The following TWIST2 variants were observed in gnomAD, a reference collection of about 807,000 sequenced individuals.
TWIST2 encodes the protein twist family bHLH transcription factor 2.
Under a neutral mutation model 11.6 loss-of-function variants are expected in TWIST2, and 1 was observed. The ratio of observed to expected loss-of-function variants is 0.09; its 90% confidence interval spans 0.03 to 0.41. TWIST2 has a LOEUF of 0.41. Among genes scored for constraint, TWIST2 ranks in the 10% least tolerant of loss-of-function variants. The probability of loss-of-function intolerance (pLI) is 0.98; values close to 1 mark genes in which losing one functional copy is unlikely to be tolerated. For synonymous variants in TWIST2, 87 were observed against 96.6 expected (o/e 0.90, Z 0.58); for missense variants, 168 against 226.4 (o/e 0.74, Z 1.66).
chr2:238,893,595 C>G (rs1380229629), intron 1 of TWIST2, among the ~76,000 whole-genome samples: 7 of 152,192 alleles, frequency 4.6e-5, no homozygotes, highest in Non-Finnish European at 2.9e-5. Flanking sequence ...GGCTTCCTGC[C>G]TCTCAAAGCC....
rs1294882048 is a variant in TWIST2 at position 238,866,218 on chromosome 2, C to T, written c.*35+17485C>T. ...CGGGCCCTGCCTGCTCTTCTGTGAG[C>T]TGCCTCTGAGCCCTGGGCACCCTCC... On this transcript the variant is annotated intron_variant, in intron 1 of 1. Transcript: ENST00000612363. The surrounding 1 kb of genome is among the most constrained non-coding windows in gnomAD (Gnocchi z 4.9). 1.3e-5 allele frequency among the ~76,000 whole-genome samples: 2 copies of T among 152,224 alleles called. No homozygotes were observed. Among genetic ancestry groups the T allele is most frequent in the African/African-American group, 4.8e-5 (2 of 41,458 alleles).
chr2:238,861,566 C>G (rs2106352725), intron 1 of TWIST2, among the ~76,000 whole-genome samples: 1 of 152,234 alleles, frequency 6.6e-6, no homozygotes, highest in South Asian at 2.1e-4. Flanking sequence ...CTTGTCTCCT[C>G]CACTCCTCCT....
chr2:238,872,392 A>G (rs139938021), intron 1 of TWIST2, among the ~76,000 whole-genome samples: 10,629 of 152,268 alleles, frequency 0.07, 885 homozygotes, highest in East Asian at 0.41. Flanking sequence ...CAGGGCTTCC[A>G]GCACGTTCTA....
intron 1 of TWIST2, among the ~76,000 whole-genome samples, chr2:238,879,247 T>C (rs1692862095): frequency 6.6e-6 from 1 of 151,680 alleles, no homozygotes; most frequent in South Asian, 2.1e-4. Flanking sequence ...ATGAGACCAA[T>C]AATCAGGGCT....
intron 1 of TWIST2, among the ~76,000 whole-genome samples, chr2:238,907,361 C>T (rs1396535074): frequency 6.6e-6 from 1 of 152,162 alleles, no homozygotes; most frequent in African/African-American, 2.4e-5. Flanking sequence ...CAGAGGGAGG[C>T]GCGGGATTGG....
intron 1 of TWIST2, among the ~76,000 whole-genome samples, chr2:238,903,025 G>GGTA: frequency 9.9e-6 from 1 of 101,494 alleles, no homozygotes; most frequent in Non-Finnish European, 2.0e-5. Flanking sequence ...TGTGATGTGG[G>GGTA]TGTGTGTGAT....
chr2:238,897,314 C>A (rs1031713245), intron 1 of TWIST2, among the ~76,000 whole-genome samples: 1 of 152,210 alleles, frequency 6.6e-6, no homozygotes, highest in South Asian at 2.1e-4. Flanking sequence ...CCTCCGCGCG[C>A]CCCCCTGCCC....
rs936499427 is a variant in TWIST2, at chr2:238,864,279, C to G, written c.*35+15546C>G. 6.6e-6 allele frequency among the ~76,000 whole-genome samples: 1 copy of G among 152,190 alleles called. No individual in the cohort carries two copies. Among genetic ancestry groups the G allele is most frequent in the Admixed American group, 6.5e-5 (1 of 15,290 alleles). On this transcript the variant is annotated intron_variant, in intron 1 of 1. Transcript: ENST00000612363. This position sits in a 1 kb window ranked among gnomAD's most constrained non-coding sequence, Gnocchi z 4.7. ...CAAGCACGCGACTGTGAGCGGCGAT[C>G]GGGGCCTGATCCTCAGTTCGAAGAC... is the stretch of plus-strand genomic sequence containing the variant.
chr2:238,872,105 C>T (rs879901619), intron 1 of TWIST2, among the ~76,000 whole-genome samples: 2 of 152,192 alleles, frequency 1.3e-5, no homozygotes, highest in Admixed American at 1.3e-4. Context: ...CCATATTAAC[C>T]GGAAGGCAGG....
At chr2:238,884,439 C>T (rs987005918) in intron 1 of TWIST2, among the ~76,000 whole-genome samples, 19 of 152,370 alleles carry the variant, frequency 1.2e-4, no homozygotes, top group African/African-American at 4.1e-4. Flanking sequence ...ATCTAGGGCT[C>T]TTCTCCGTGT....
rs553472955 is a variant in TWIST2, at chr2:238,859,651, A to G, written c.*35+10918A>G. ...GTGTTCAGTTGGGGGTGGAGGGGCTAAGGGGCTAAGCGTTCACCCATCCCT... is the reference window on the plus strand; with the variant it reads ...GTGTTCAGTTGGGGGTGGAGGGGCTGAGGGGCTAAGCGTTCACCCATCCCT... On this transcript the variant is annotated intron_variant, in intron 1 of 1. Transcript: ENST00000612363. Among the ~76,000 whole-genome samples, 3 of 151,796 alleles carry G rather than the reference A, an allele frequency of 2.0e-5. No homozygotes were observed. In the East Asian group the frequency reaches 5.8e-4, roughly 29 times the overall value.
intron 1 of TWIST2, among the ~76,000 whole-genome samples, chr2:238,907,448 G>C (rs1257891712): frequency 1.3e-5 from 2 of 152,154 alleles, no homozygotes; most frequent in Admixed American, 1.3e-4. Flanking sequence ...TGGGAACCAG[G>C]CTCTGGGTAG....
intron 1 of TWIST2, among the ~76,000 whole-genome samples, chr2:238,901,446 GT>G (rs1205410036): frequency 2.2e-3 from 333 of 152,256 alleles, no homozygotes; most frequent in Non-Finnish European, 4.0e-3. Context: ...GACAATTCTG[GT>G]TTTCTCCAGG....
In TWIST2 at chr2:238,896,106, C is replaced by T. The variant is rs979227143; in HGVS notation, c.*36-13736C>T. Among the ~76,000 whole-genome samples, 7 of 152,070 alleles carry T rather than the reference C, an allele frequency of 4.6e-5. No individual in the cohort carries two copies. The East Asian group carries it at 9.7e-4, about 21-fold the overall frequency. On this transcript the variant is annotated intron_variant, in intron 1 of 1. Coordinates refer to ENST00000612363, the MANE Select transcript of TWIST2 (RefSeq NM_001271893.4). ...CCCAGCAGGATTCCTCCTTCTCAGGCGCAGCAGGCAAGCCGGGGTCAGAGG... is the reference window on the plus strand; with the variant it reads ...CCCAGCAGGATTCCTCCTTCTCAGGTGCAGCAGGCAAGCCGGGGTCAGAGG...
At chr2:238,878,745 A>G (rs1460862698) in intron 1 of TWIST2, among the ~76,000 whole-genome samples, 2 of 151,364 alleles carry the variant, frequency 1.3e-5, no homozygotes, top group African/African-American at 2.4e-5. Context: ...AGGCGCTAAT[A>G]ACTGTCTGTG....
At chr2:238,876,885 A>T (rs1692815566) in intron 1 of TWIST2, among the ~76,000 whole-genome samples, 1 of 152,202 alleles carries the variant, frequency 6.6e-6, no homozygotes, top group African/African-American at 2.4e-5. Context: ...AGAAAAATTT[A>T]ACATATTTCT....
At chr2:238,886,175 C>G (rs771030817) in intron 1 of TWIST2, among the ~76,000 whole-genome samples, 11 of 151,468 alleles carry the variant, frequency 7.3e-5, no homozygotes, top group Non-Finnish European at 1.2e-4. Flanking sequence ...GTTCCACAAA[C>G]AACAGAACAG....
chr2:238,907,124 C>T (rs1693366009), intron 1 of TWIST2, among the ~76,000 whole-genome samples: 1 of 152,206 alleles, frequency 6.6e-6, no homozygotes, highest in Non-Finnish European at 1.5e-5. Flanking sequence ...CTGCTGCAGG[C>T]TGGCCTGGGT....
Position 238,864,696 on chromosome 2 carries a change from T to C in TWIST2, c.*35+15963T>C, listed in dbSNP as rs927790731. On this transcript the variant is annotated intron_variant, in intron 1 of 1. Transcript: ENST00000612363. The surrounding 1 kb of genome is among the most constrained non-coding windows in gnomAD (Gnocchi z 4.7). ...GAGGGTGCGGGGCCGTGGCTTGCTC[T>C]GTGGGGACACTGCCCTGGGGTCCAC... 1.3e-5 allele frequency among the ~76,000 whole-genome samples: 2 copies of C among 152,182 alleles called. No homozygotes were observed. Among genetic ancestry groups the C allele is most frequent in the African/African-American group, 4.8e-5 (2 of 41,464 alleles).
Sources: allele counts gnomAD v4.1 joint callset (sites outside exome capture counted in the v4.1 genomes callset), GRCh38; gene constraint gnomAD v4.1.1; non-coding constraint Gnocchi (gnomAD v3.1); transcripts MANE v1.5; gene names NCBI Gene and HGNC (gene_info 2026-07-23, HGNC 2026-07-21).